The following CAPN15 variants were observed in gnomAD, a reference collection of about 807,000 sequenced individuals.
CAPN15 encodes calpain-15.
Under a neutral mutation model 97.9 loss-of-function variants are expected in CAPN15, and 53 were observed. The observed-to-expected ratio is 0.54, with a 90% CI of 0.43 to 0.68. The LOEUF (loss-of-function observed/expected upper bound fraction) is 0.68, where lower values mean the gene tolerates loss of function less well. Among genes scored for constraint, CAPN15 ranks in the 30% least tolerant of loss-of-function variants. CAPN15 has a pLI of 0.00. For missense variants in CAPN15, 1,592 were observed against 1,589.8 expected (o/e 1.00, Z -0.02); for synonymous variants, 922 against 722.5 (o/e 1.28, Z -4.43).
At position 552,032 on chromosome 16, in the gene CAPN15, G is replaced by C; in HGVS notation, c.2346-19G>C. On this transcript the variant is annotated intron_variant, in intron 9 of 13. Coordinates refer to ENST00000219611, the MANE Select transcript of CAPN15 (RefSeq NM_005632.3). The surrounding 1 kb of genome is among the most constrained non-coding windows in gnomAD (Gnocchi z 6.4). ...TGGGCCGTGGTAGGCTCAGGGCCCC[G>C]TCCTCCCGCCACCTGCAGGTACTTC... 1 of 1,546,642 alleles carries C rather than the reference G, an allele frequency of 6.5e-7. No individual in the cohort carries two copies. The highest frequency in any genetic ancestry group is 8.7e-7 in the Non-Finnish European group (1 of 1,145,848).
At position 547,029 on chromosome 16, in the gene CAPN15, G is replaced by A. The variant is rs139638394; in HGVS notation, c.191G>A (p.Cys64Tyr). The change falls in exon 4 of 14, where the codon TGC (cysteine) becomes TAC (tyrosine). Residue 64 changes from cysteine to tyrosine, a missense_variant. Coordinates refer to ENST00000219611, the MANE Select transcript of CAPN15 (RefSeq NM_005632.3). The part of the protein sequence containing the change: ...TFRNFLGKEA[C>Y]EVCGFTPEPA... The stretch of plus-strand genomic sequence containing the variant: ...CGCAACTTCCTGGGCAAGGAGGCCT[G>A]CGAGGTGTGCGGCTTCACCCCGGAG... 7 of 1,609,398 alleles carry A rather than the reference G, an allele frequency of 4.3e-6. No individual in the cohort carries two copies. Among genetic ancestry groups the A allele is most frequent in the Non-Finnish European group, 5.9e-6 (7 of 1,179,588 alleles).
intron 9 of CAPN15, 137 bp downstream of exon 9, chr16:551,801 C>T (rs1267305691): frequency 1.7e-6 from 2 of 1,182,642 alleles, no homozygotes; most frequent in Admixed American, 2.0e-5. Flanking sequence ...CCTGGAGCTT[C>T]AGCTCCAAGG....
chr16:552,376 C>T lies in CAPN15; in HGVS notation c.2583C>T (p.Gly861=), dbSNP rs745764472. 60 of 1,602,426 alleles carry T rather than the reference C, an allele frequency of 3.7e-5. No individual in the cohort carries two copies. The highest frequency in any genetic ancestry group is 4.7e-5 in the Non-Finnish European group (55 of 1,177,680). Residue 861 remains glycine, a synonymous_variant, in exon 11 of 14, where the codon GGC becomes GGT. Coordinates refer to ENST00000219611, the MANE Select transcript of CAPN15 (RefSeq NM_005632.3). The surrounding 1 kb of genome is among the most constrained non-coding windows in gnomAD (Gnocchi z 6.4). ...LVFRATFGSG[G]HLSLGRLLAH... ...TCCGGGCCACGTTCGGCAGCGGCGG[C>T]CACCTCAGCCTGGGCCGCCTCCTGG...
In CAPN15 at chr16:547,082, G is replaced by A. The variant is rs201488864; in HGVS notation, c.244G>A (p.Val82Ile). 2 of 1,595,368 alleles carry A rather than the reference G, an allele frequency of 1.3e-6. No homozygotes were observed. Among genetic ancestry groups the A allele is most frequent in the Non-Finnish European group, 8.5e-7 (1 of 1,172,488 alleles). Residue 82 changes from valine to isoleucine, a missense_variant, in exon 4 of 14, where the codon GTC becomes ATC. Around this residue, in one of 3 missense-constraint regions of CAPN15, gnomAD observed 883 missense variants for 776.6 expected, o/e 1.14. Transcript: ENST00000219611. ...TGCGCCTGGGGCTGCCTTCCTGCCA[G>A]TCCTCAACGGGGTCCTCCCCAAGCC... is the stretch of plus-strand genomic sequence containing the variant. ...EPAPGAAFLP[V>I]LNGVLPKPPA...
At position 549,816 on chromosome 16, in the gene CAPN15, A is replaced by G. The variant is rs1321336498; in HGVS notation, c.2044A>G (p.Met682Val). 3 of 1,585,980 alleles carry G rather than the reference A, an allele frequency of 1.9e-6. No homozygotes were observed. Among genetic ancestry groups the G allele is most frequent in the African/African-American group, 1.3e-5 (1 of 74,198 alleles). Residue 682 changes from methionine (M) to valine (V), a missense_variant, in exon 7 of 14, where the codon ATG becomes GTG. Physicochemically the swap from Met to Val is conservative, Grantham distance 21. This residue lies in a region of CAPN15 where 644 missense variants were observed against 699.6 expected (regional missense o/e 0.92). Transcript: ENST00000219611. The part of the protein sequence containing the change: ...PVDTDLIWAK[M>V]LSSKEAGFLM... ...TGACACTGACCTCATCTGGGCCAAA[A>G]TGCTGAGTTCTAAGGAGGCTGGGTA...
chr16:527,810 G>C lies in CAPN15; in HGVS notation c.-409G>C, dbSNP rs1482311210. On this transcript the variant is annotated 5_prime_UTR_variant, in exon 1 of 14. Transcript: ENST00000219611. ...CTACGCTACGAAGGCAGCGTAAGGC[G>C]GGCGCCGGACGCGGGCAGGGGCCGG... 6.7e-6 allele frequency: 1 copy of C among 148,390 alleles called. No individual in the cohort carries two copies. Among genetic ancestry groups the C allele is most frequent in the Non-Finnish European group, 1.5e-5 (1 of 66,640 alleles). The allele number at this position is 148,390 out of a possible 1,614,324, so 9.2% of individuals were successfully genotyped here. A position where few individuals can be genotyped will look rare whatever the true frequency, so the allele number is the denominator to read the frequency against.
chr16:538,586 G>T (rs1035627298), intron 3 of CAPN15: 1 of 152,244 alleles, frequency 6.6e-6, no homozygotes, highest in African/African-American at 2.4e-5. Flanking sequence ...GGGGGACTCG[G>T]CGGCTTCTGC....
chr16:549,280 C>A lies in CAPN15; in HGVS notation c.1659-8C>A. On this transcript the variant is annotated splice_region_variant and splice_polypyrimidine_tract_variant and intron_variant, in intron 5 of 13. Transcript: ENST00000219611. Reference sequence around the variant, plus strand: ...GTCCCCGCGAGGTCACCCTGAGGCTCTGCGCAGGTTCCTGAGCGCCCTGGC... The same window carrying A: ...GTCCCCGCGAGGTCACCCTGAGGCTATGCGCAGGTTCCTGAGCGCCCTGGC... 1 of 1,579,254 alleles carries A rather than the reference C, an allele frequency of 6.3e-7. No individual in the cohort carries two copies. Among genetic ancestry groups the A allele is most frequent in the South Asian group, 1.1e-5 (1 of 87,872 alleles).
At chr16:549,969 G>A (rs533850792) in intron 7 of CAPN15, 131 bp downstream of exon 7, 410 of 708,602 alleles carry the variant, frequency 5.8e-4, no homozygotes, top group African/African-American at 4.6e-3. Flanking sequence ...GGCTGACCCC[G>A]CGTGGCCAGG....
chr16:531,411 C>T (rs1184366055), intron 1 of CAPN15, among the ~76,000 whole-genome samples: 2 of 152,150 alleles, frequency 1.3e-5, no homozygotes, highest in Admixed American at 6.5e-5. Flanking sequence ...CCTCTTACAC[C>T]TTCTGCCCCT....
At chr16:534,231 C>CGGGGCCGTGGGCCTGTCGGGGG (rs370331827) in intron 2 of CAPN15, among the ~76,000 whole-genome samples, 1 of 147,902 alleles carries the variant, frequency 6.8e-6, no homozygotes, top group Admixed American at 6.6e-5. Flanking sequence ...GGGGTCCCGA[C>CGGGGCCGTGGGCCTGTCGGGGG]AGGGGTGTTT....
rs1429988760 is a variant in CAPN15 at position 548,073 on chromosome 16, G to A, written c.1235G>A (p.Arg412His). 1.4e-5 allele frequency: 22 copies of A among 1,538,802 alleles called. No homozygotes were observed. The highest frequency in any genetic ancestry group is 4.1e-5 in the African/African-American group (3 of 72,864). ...AAGGCCGCCCGCGTCCTGCCCGAGC[G>A]CCCGGGCCAGTGGGCCTGCCCTGCC... is the stretch of plus-strand genomic sequence containing the variant. ...AQKAARVLPE[R>H]PGQWACPACT... Residue 412 changes from arginine (R) to histidine (H), a missense_variant, in exon 4 of 14, where the codon CGC becomes CAC. By Grantham distance (29) the Arg-to-His change is conservative. Transcript: ENST00000219611.
intron 3 of CAPN15, among the ~76,000 whole-genome samples, chr16:541,248 G>A (rs1043474857): frequency 6.6e-6 from 1 of 152,266 alleles, no homozygotes; most frequent in African/African-American, 2.4e-5. Context: ...CCACGCTGAG[G>A]CCTGAGCTCC....
At chr16:550,207 G>A (rs539931893) in intron 7 of CAPN15, among the ~76,000 whole-genome samples, 10 of 152,344 alleles carry the variant, frequency 6.6e-5, no homozygotes, top group Admixed American at 3.9e-4. Context: ...TCTGGTCAGC[G>A]GGTCTGTGCC....
At chr16:544,877 C>T (rs1229450883) in intron 3 of CAPN15, among the ~76,000 whole-genome samples, 2 of 127,188 alleles carry the variant, frequency 1.6e-5, no homozygotes, top group African/African-American at 3.0e-5. Context: ...CCTCCCCTCA[C>T]GTCGTCGTCT....
rs1321279407 is a variant in CAPN15 at position 548,089 on chromosome 16, C to G, written c.1251C>G (p.Ala417=). 6.5e-7 allele frequency: 1 copy of G among 1,537,586 alleles called. No homozygotes were observed. The highest frequency in any genetic ancestry group is 8.8e-7 in the Non-Finnish European group (1 of 1,142,182). The part of the protein sequence containing the change: ...RVLPERPGQW[A]CPACTLLNAL... ...TGCCCGAGCGCCCGGGCCAGTGGGC[C>G]TGCCCTGCCTGTACCCTGCTCAACG... Residue 417 remains alanine, a synonymous_variant, in exon 4 of 14, where the codon GCC becomes GCG. Coordinates refer to ENST00000219611, the MANE Select transcript of CAPN15 (RefSeq NM_005632.3).
intron 2 of CAPN15, among the ~76,000 whole-genome samples, chr16:534,202 G>A (rs2033501375): frequency 6.6e-6 from 1 of 152,292 alleles, no homozygotes; most frequent in African/African-American, 2.4e-5. Context: ...GTCGTGGGAG[G>A]CGACGGTGAG....
At chr16:529,270 T>C (rs928028968) in intron 1 of CAPN15, among the ~76,000 whole-genome samples, 1 of 152,170 alleles carries the variant, frequency 6.6e-6, no homozygotes, top group Non-Finnish European at 1.5e-5. Context: ...GCCTCTTGTC[T>C]GGGCCTCCAC....
chr16:539,455 C>T (rs908600062), intron 3 of CAPN15: 5 of 152,306 alleles, frequency 3.3e-5, no homozygotes, highest in Non-Finnish European at 5.9e-5. Context: ...AGGTGGCCTT[C>T]CCAGAAGCAC....
Sources: gnomAD v4.1 joint callset for allele counts (sites outside exome capture counted in the v4.1 genomes callset) on GRCh38, gnomAD v4.1.1 for gene constraint, gnomAD v4.1.1 regional missense constraint, Gnocchi (gnomAD v3.1) non-coding constraint, MANE v1.5 for transcripts, NCBI Gene and HGNC (gene_info 2026-07-23, HGNC 2026-07-21) for gene names.